The following THRAP3 variants were observed in gnomAD, a reference collection of about 807,000 sequenced individuals.
THRAP3 encodes the protein thyroid hormone receptor associated protein 3.
Under a neutral mutation model 101.0 loss-of-function variants are expected in THRAP3, and 16 were observed. The ratio of observed to expected loss-of-function variants is 0.16; its 90% CI spans 0.11 to 0.24. THRAP3 has a LOEUF of 0.24. Ranked by LOEUF, THRAP3 falls within the 10% of genes least tolerant of loss-of-function variation. The pLI, the probability that THRAP3 is intolerant of heterozygous loss-of-function variation, is 1.00. For missense variants in THRAP3, 989 were observed against 1,202.7 expected (o/e 0.82, Z 2.63); for synonymous variants, 407 against 422.6 (o/e 0.96, Z 0.45).
chr1:36,216,658 T>TA, the THRAP3 span, among the ~76,000 whole-genome samples: 1 of 151,840 alleles, frequency 6.6e-6, no homozygotes, highest in Non-Finnish European at 1.5e-5. Flanking sequence ...TGGTGGTGCA[T>TA]GCCTGTGGTC....
intron 1 of THRAP3, among the ~76,000 whole-genome samples, chr1:36,228,507 G>A (rs1012626380): frequency 6.6e-6 from 1 of 152,186 alleles, no homozygotes; most frequent in African/African-American, 2.4e-5. Context: ...GTGTGAGCCA[G>A]CGCATCTGGC....
At chr1:36,232,077 G>A (rs1217909231) in intron 1 of THRAP3, among the ~76,000 whole-genome samples, 1 of 152,056 alleles carries the variant, frequency 6.6e-6, no homozygotes, top group Non-Finnish European at 1.5e-5. Flanking sequence ...TTAGGCAGGT[G>A]TGGTGGTGTG....
chr1:36,271,686 C>T (rs546188584), intron 2 of THRAP3, among the ~76,000 whole-genome samples: 3 of 150,530 alleles, frequency 2.0e-5, no homozygotes, highest in Non-Finnish European at 3.0e-5. Flanking sequence ...CTCCACCTCC[C>T]GAGTTCAAGC....
At chr1:36,295,572 C>CCTTCCTTT (rs1645936732) in intron 8 of THRAP3, among the ~76,000 whole-genome samples, 1 of 151,410 alleles carries the variant, frequency 6.6e-6, no homozygotes, top group Admixed American at 6.6e-5. Flanking sequence ...TTCCTTCCTT[C>CCTTCCTTT]CTTCCCTCCT....
intron 1 of THRAP3, among the ~76,000 whole-genome samples, chr1:36,253,509 A>G (rs1180620743): frequency 6.6e-6 from 1 of 152,188 alleles, no homozygotes; most frequent in Non-Finnish European, 1.5e-5. Context: ...GTAATTTGAC[A>G]TTTCTTGAAA....
chr1:36,301,380 G>C (rs1480754626), intron 10 of THRAP3, among the ~76,000 whole-genome samples, 173 bp from the exon 11 acceptor site: 1 of 152,208 alleles, frequency 6.6e-6, no homozygotes, highest in Non-Finnish European at 1.5e-5. Context: ...CTCTGTGTAG[G>C]CTGCAGACTT....
rs1645864894 is a variant in THRAP3 at position 36,291,285 on chromosome 1, T to G, written c.1746-89T>G. On this transcript the variant is annotated intron_variant, in intron 5 of 11. Transcript: ENST00000354618. ...GAAGAAAAGAAGTTTATAGATAGATTTAAAACTCTTCAAAAAAGTATTTTT... is the reference window on the plus strand; with the variant it reads ...GAAGAAAAGAAGTTTATAGATAGATGTAAAACTCTTCAAAAAAGTATTTTT... 3 of 1,376,302 alleles carry G rather than the reference T, an allele frequency of 2.2e-6. No homozygotes were observed. In the South Asian group the frequency reaches 4.3e-5, roughly 20 times the overall value. The allele number at this position is 1,376,302 out of a possible 1,614,324, so 85.3% of individuals were successfully genotyped here.
chr1:36,274,097 C>T (rs994976764), intron 2 of THRAP3, among the ~76,000 whole-genome samples: 1 of 146,690 alleles, frequency 6.8e-6, no homozygotes, highest in Non-Finnish European at 1.5e-5. Flanking sequence ...CACACACACA[C>T]ACACACACAC....
intron 2 of THRAP3, among the ~76,000 whole-genome samples, chr1:36,267,026 G>A (rs141060669): frequency 5.0e-4 from 76 of 152,112 alleles, no homozygotes; most frequent in Middle Eastern, 3.4e-3. Flanking sequence ...GATTACATTT[G>A]CATGCCAACA....
intron 1 of THRAP3, among the ~76,000 whole-genome samples, chr1:36,233,137 G>T (rs1209945902): frequency 6.6e-6 from 1 of 151,274 alleles, no homozygotes; most frequent in Non-Finnish European, 1.5e-5. Context: ...CAAAGTGCTG[G>T]GATTACAGGC....
intron 2 of THRAP3, among the ~76,000 whole-genome samples, chr1:36,277,125 C>T (rs140079111): frequency 0.01 from 1,576 of 151,952 alleles, 20 homozygotes; most frequent in African/African-American, 0.034. Flanking sequence ...CCTGCCACCA[C>T]GCCTGGCTAA....
chr1:36,235,590 C>T lies in THRAP3; in HGVS notation c.-135+11085C>T, dbSNP rs1483004950. Among the ~76,000 whole-genome samples the T allele has an allele frequency of 1.3e-5, 2 of 151,832 alleles. 1 individual carries two copies. Among genetic ancestry groups the T allele is most frequent in the Non-Finnish European group, 2.9e-5 (2 of 67,982 alleles). On this transcript the variant is annotated intron_variant, in intron 1 of 11. Coordinates refer to ENST00000354618, the MANE Select transcript of THRAP3 (RefSeq NM_005119.4). ...GATACCATTTTCTTCCTGAGATTTC[C>T]ACCGTGACAAAAAAATATGATGATT...
chr1:36,261,211 A>G (rs541071331), intron 2 of THRAP3, among the ~76,000 whole-genome samples: 1 of 152,318 alleles, frequency 6.6e-6, no homozygotes, highest in African/African-American at 2.4e-5. Context: ...CAGCTGGCCA[A>G]CATGGTAAAA....
At position 36,302,547 on chromosome 1, in the gene THRAP3, C is replaced by T. The variant is rs574378143; in HGVS notation, c.2646+851C>T. Among the ~76,000 whole-genome samples, 3 of 152,242 alleles carry T rather than the reference C, an allele frequency of 2.0e-5. No homozygotes were observed. In the East Asian group the frequency reaches 5.8e-4, roughly 29 times the overall value. On this transcript the variant is annotated intron_variant, in intron 11 of 11. Transcript: ENST00000354618. Reference sequence around the variant, plus strand: ...ACTGCTGTAGGGAAAAGATTAAAGGCCCTCTCCCTTGCTCCTATCTGCCAC... The same window carrying T: ...ACTGCTGTAGGGAAAAGATTAAAGGTCCTCTCCCTTGCTCCTATCTGCCAC...
In THRAP3 at chr1:36,289,316, C is replaced by G. The variant is rs1645835310; in HGVS notation, c.1297C>G (p.Gln433Glu). 5 of 1,613,788 alleles carry G rather than the reference C, an allele frequency of 3.1e-6. No homozygotes were observed. Among genetic ancestry groups the G allele is most frequent in the Non-Finnish European group, 4.2e-6 (5 of 1,180,018 alleles). The change falls in exon 5 of 12, where the codon CAA (glutamine) becomes GAA (glutamate). Residue 433 changes from glutamine to glutamate, a missense_variant. Physicochemically the swap from Gln to Glu is conservative, Grantham distance 29 (BLOSUM62 2). Coordinates refer to ENST00000354618, the MANE Select transcript of THRAP3 (RefSeq NM_005119.4). The stretch of plus-strand genomic sequence containing the variant: ...CTTCCACAAGGAGGAGATGGATGAT[C>G]AAGATAAGGACAAAGCTAAGGGAAG... ...ADFHKEEMDD[Q>E]DKDKAKGRKE...
At chr1:36,209,130 A>G in the THRAP3 span, among the ~76,000 whole-genome samples, 4 of 151,310 alleles carry the variant, frequency 2.6e-5, no homozygotes, top group African/African-American at 9.7e-5. Context: ...GCACACTGAT[A>G]CCATGCCTGG....
chr1:36,210,133 G>A, the THRAP3 span, among the ~76,000 whole-genome samples: 82 of 152,168 alleles, frequency 5.4e-4, 1 homozygote, highest in East Asian at 0.011. Context: ...TTGGGAGGCC[G>A]AGGCGGGAGG....
intron 3 of THRAP3, among the ~76,000 whole-genome samples, chr1:36,285,006 G>A (rs1192075121): frequency 1.3e-5 from 2 of 152,060 alleles, no homozygotes; most frequent in Non-Finnish European, 2.9e-5. Context: ...TATTCATGGT[G>A]TAGATAAAAA....
At chr1:36,300,767 T>G in intron 9 of THRAP3, 119 bp from the exon 10 acceptor site, 1 of 966,672 alleles carries the variant, frequency 1.0e-6, no homozygotes, top group South Asian at 1.5e-5. Context: ...AGGTTACTCA[T>G]CATCAGTTTC....
Sources: allele counts gnomAD v4.1 joint callset (sites outside exome capture counted in the v4.1 genomes callset), GRCh38; gene constraint gnomAD v4.1.1; transcripts MANE v1.5; gene names NCBI Gene and HGNC (gene_info 2026-07-23, HGNC 2026-07-21).